The following TRABD2B variants were observed in gnomAD, a reference collection of about 807,000 sequenced individuals.
The protein encoded by TRABD2B is TraB domain containing 2B, also known as metalloprotease TIKI2.
In TRABD2B, 14 loss-of-function variants were observed where a neutral mutation model predicts 40.1. The ratio of observed to expected loss-of-function variants is 0.35; its 90% CI spans 0.23 to 0.55. TRABD2B has a LOEUF of 0.55. TRABD2B is among the 20% of genes least tolerant of loss of function. The pLI, the probability that TRABD2B is intolerant of heterozygous loss-of-function variation, is 0.90. For synonymous variants in TRABD2B, 263 were observed against 277.0 expected, an observed-to-expected ratio of 0.95 and a Z score of 0.50; for missense variants, 541 against 648.6, an observed-to-expected ratio of 0.83 and a Z score of 1.80.
At chr1:47,883,411 C>A (rs1644331095) in intron 2 of TRABD2B, among the ~76,000 whole-genome samples, 1 of 152,178 alleles carries the variant, frequency 6.6e-6, no homozygotes, top group South Asian at 2.1e-4. Flanking sequence ...TTTAGTTCCA[C>A]TGAAACTCAT....
chr1:47,832,061 A>G (rs1645257045), intron 2 of TRABD2B, among the ~76,000 whole-genome samples: 1 of 152,146 alleles, frequency 6.6e-6, no homozygotes, highest in African/African-American at 2.4e-5. Context: ...GGCTGGGCGC[A>G]GTGGCTCATG....
At chr1:47,995,597 G>A (rs922972220) in intron 1 of TRABD2B, among the ~76,000 whole-genome samples, 1 of 151,998 alleles carries the variant, frequency 6.6e-6, no homozygotes, top group Admixed American at 6.6e-5. Context: ...TCAGGGCTAG[G>A]CATAAAGGGC....
At chr1:47,837,727 A>G (rs957532140) in intron 2 of TRABD2B, among the ~76,000 whole-genome samples, 1 of 152,176 alleles carries the variant, frequency 6.6e-6, no homozygotes, top group Non-Finnish European at 1.5e-5. Context: ...CCCGAGGGCA[A>G]TTATTGCACT....
chr1:47,815,925 T>A (rs1263720473), intron 2 of TRABD2B, among the ~76,000 whole-genome samples: 1 of 152,208 alleles, frequency 6.6e-6, no homozygotes. Context: ...AGACTTATAT[T>A]CACACATGTA....
intron 2 of TRABD2B, among the ~76,000 whole-genome samples, chr1:47,975,744 TTC>T (rs1226569294): frequency 1.3e-5 from 2 of 152,186 alleles, no homozygotes; most frequent in Non-Finnish European, 2.9e-5. Flanking sequence ...CACAAGACTC[TTC>T]TAAGGGGTCA....
Position 47,765,594 on chromosome 1 carries a change from C to T in TRABD2B, c.*308G>A. On this transcript the variant is annotated 3_prime_UTR_variant, in exon 7 of 7. Transcript: ENST00000606738. ...GTCCCGGGTTCCCCTCCCGGGCCAG[C>T]ACTAGGGCTAGGGGGTTATAACACA... 2.5e-6 allele frequency: 1 copy of T among 398,668 alleles called. No individual in the cohort carries two copies. Among genetic ancestry groups the T allele is most frequent in the Admixed American group, 4.0e-5 (1 of 24,792 alleles). 24.7% of individuals were successfully genotyped at this position (398,668 alleles called of 1,614,324 possible). A position where few individuals can be genotyped will look rare whatever the true frequency, so the allele number is the denominator to read the frequency against.
intron 4 of TRABD2B, among the ~76,000 whole-genome samples, chr1:47,792,817 T>C (rs890706065): frequency 6.6e-6 from 1 of 152,070 alleles, no homozygotes; most frequent in African/African-American, 2.4e-5. Context: ...GCCCCTTCAC[T>C]GACTGCACTC....
chr1:47,937,523 CATT>C (rs1468747452), intron 2 of TRABD2B, among the ~76,000 whole-genome samples: 4 of 152,120 alleles, frequency 2.6e-5, no homozygotes, highest in Admixed American at 6.5e-5. Flanking sequence ...CCATCATCAT[CATT>C]ATTACAAATG....
chr1:47,906,432 C>G (rs1644678882), intron 2 of TRABD2B, among the ~76,000 whole-genome samples: 1 of 145,868 alleles, frequency 6.9e-6, no homozygotes, highest in Admixed American at 6.9e-5. Flanking sequence ...TTTCTTGCAC[C>G]AAGCTCCACG....
intron 2 of TRABD2B, among the ~76,000 whole-genome samples, chr1:47,973,409 G>A (rs1645709149): frequency 6.6e-6 from 1 of 152,248 alleles, no homozygotes; most frequent in Non-Finnish European, 1.5e-5. Flanking sequence ...TCACCAGGTA[G>A]ATGATGTAAC....
chr1:47,787,464 T>C (rs1644611755), intron 4 of TRABD2B, among the ~76,000 whole-genome samples: 1 of 152,190 alleles, frequency 6.6e-6, no homozygotes, highest in Non-Finnish European at 1.5e-5. Flanking sequence ...TTGCTCTATT[T>C]TCTTTCTTTT....
intron 2 of TRABD2B, among the ~76,000 whole-genome samples, chr1:47,988,793 G>A (rs1645958306): frequency 6.6e-6 from 1 of 152,160 alleles, no homozygotes; most frequent in African/African-American, 2.4e-5. Context: ...GACAAAGGGG[G>A]GCAAATTAGG....
intron 2 of TRABD2B, among the ~76,000 whole-genome samples, chr1:47,926,745 C>A (rs1050805442): frequency 7.2e-5 from 11 of 152,060 alleles, no homozygotes; most frequent in Admixed American, 5.2e-4. Flanking sequence ...GGAAGGAGGC[C>A]AAGAGGAATT....
intron 2 of TRABD2B, among the ~76,000 whole-genome samples, chr1:47,902,209 G>T (rs1365730632): frequency 6.6e-6 from 1 of 152,146 alleles, no homozygotes; most frequent in Non-Finnish European, 1.5e-5. Flanking sequence ...TAGGACCCTT[G>T]GAACCTCATG....
At chr1:47,934,851 G>A (rs150712973) in intron 2 of TRABD2B, among the ~76,000 whole-genome samples, 1 of 152,280 alleles carries the variant, frequency 6.6e-6, no homozygotes, top group Non-Finnish European at 1.5e-5. Context: ...CTGAGTCCTG[G>A]AGAACCTTCA....
intron 2 of TRABD2B, among the ~76,000 whole-genome samples, chr1:47,827,759 G>C (rs1388490406): frequency 1.3e-5 from 2 of 151,564 alleles, no homozygotes; most frequent in African/African-American, 4.9e-5. Context: ...AACAAGGTTT[G>C]AGTCCACTTT....
chr1:47,961,689 C>T (rs1340895670), intron 2 of TRABD2B, among the ~76,000 whole-genome samples: 8 of 151,992 alleles, frequency 5.3e-5, no homozygotes, highest in East Asian at 1.9e-4. Context: ...GTTAGAATGG[C>T]GATCATTAAA....
At chr1:47,916,987 C>T (rs991714214) in intron 2 of TRABD2B, among the ~76,000 whole-genome samples, 4 of 152,224 alleles carry the variant, frequency 2.6e-5, no homozygotes, top group Non-Finnish European at 5.9e-5. Context: ...ACTGTTTTCC[C>T]GTCTTGCAGA....
At chr1:47,900,595 C>T (rs549663159) in intron 2 of TRABD2B, among the ~76,000 whole-genome samples, 4 of 152,252 alleles carry the variant, frequency 2.6e-5, no homozygotes, top group South Asian at 2.1e-4. Flanking sequence ...CAAGAGGCCC[C>T]CACCCCTCCA....
Sources: gnomAD v4.1 joint callset for allele counts (sites outside exome capture counted in the v4.1 genomes callset) on GRCh38, gnomAD v4.1.1 for gene constraint, MANE v1.5 for transcripts, NCBI Gene and HGNC (gene_info 2026-07-23, HGNC 2026-07-21) for gene names.